The following PPP2R1B variants were observed in gnomAD, a reference collection of about 807,000 sequenced individuals.
PPP2R1B encodes protein phosphatase 2 scaffold subunit Abeta, also known as serine/threonine-protein phosphatase 2A 65 kDa regulatory subunit A beta isoform.
PPP2R1B carries 58 observed loss-of-function variants against 72.7 expected under a neutral mutation model. That is an observed-to-expected ratio of 0.80 (90% CI 0.65 to 0.99). The LOEUF (loss-of-function observed/expected upper bound fraction) is 0.99. Ranked by LOEUF, PPP2R1B falls within the 50% of genes least tolerant of loss-of-function variation. The pLI is 0.00. For synonymous variants in PPP2R1B, 256 were observed against 264.6 expected (o/e 0.97, Z 0.32); for missense variants, 695 against 733.6 (o/e 0.95, Z 0.61).
chr11:111,720,050 C>T, the PPP2R1B span: 2 of 1,560,100 alleles, frequency 1.3e-6, no homozygotes, highest in South Asian at 2.3e-5. Context: ...GGCATCATGT[C>T]ATACTCCAAT....
At chr11:111,694,167 A>G in the PPP2R1B span, among the ~76,000 whole-genome samples, 5 of 152,246 alleles carry the variant, frequency 3.3e-5, no homozygotes, top group Admixed American at 1.3e-4. Flanking sequence ...TATTCAATGT[A>G]TAATTGATTC....
chr11:111,740,477 T>A lies in PPP2R1B; in HGVS notation c.*1119A>T, dbSNP rs1944481864. 1.1e-5 allele frequency: 11 copies of A among 984,958 alleles called. No homozygotes were observed. Among genetic ancestry groups the A allele is most frequent in the Non-Finnish European group, 1.3e-5 (11 of 829,518 alleles). 61.0% of individuals were successfully genotyped at this position (984,958 alleles called of 1,614,324 possible). A position where few individuals can be genotyped will look rare whatever the true frequency, so the allele number is the denominator to read the frequency against. On this transcript the variant is annotated 3_prime_UTR_variant, in exon 15 of 15. Coordinates refer to ENST00000527614, the MANE Select transcript of PPP2R1B (RefSeq NM_002716.5). Reference sequence around the variant, plus strand: ...TCAAATGATCCCAAATAGGTGCTTTTTAAAAAGGGCTTTAATACTGTTTAA... The same window carrying A: ...TCAAATGATCCCAAATAGGTGCTTTATAAAAAGGGCTTTAATACTGTTTAA...
At chr11:111,759,676 C>T in intron 5 of PPP2R1B, 128 bp downstream of exon 5, 1 of 1,015,400 alleles carries the variant, frequency 9.8e-7, no homozygotes, top group Non-Finnish European at 1.4e-6. Context: ...ACACTTTAAC[C>T]AGGCCAGAAT....
intron 10 of PPP2R1B, among the ~76,000 whole-genome samples, chr11:111,751,051 C>T (rs1037320600): frequency 2.0e-5 from 3 of 152,132 alleles, no homozygotes; most frequent in African/African-American, 7.2e-5. Flanking sequence ...GTTGGCCAGG[C>T]TGGTCTGGAA....
the PPP2R1B span, chr11:111,719,695 A>G: frequency 7.2e-7 from 1 of 1,382,368 alleles, no homozygotes. Flanking sequence ...GTTCGCCACA[A>G]GTCTTGACAT....
chr11:111,754,572 A>C lies in PPP2R1B; in HGVS notation c.959-3T>G. The C allele has an allele frequency of 1.3e-6, 2 of 1,598,004 alleles. No individual in the cohort carries two copies. Among genetic ancestry groups the C allele is most frequent in the Non-Finnish European group, 1.7e-6 (2 of 1,176,448 alleles). On this transcript the variant is annotated splice_polypyrimidine_tract_variant and splice_region_variant and intron_variant, in intron 7 of 14. Transcript: ENST00000527614. ...AATGGGCAAGTTCTCACCAAGTTCT[A>C]AAAGATAAATAGAAAAAAAGAATGC...
chr11:111,703,117 C>A, the PPP2R1B span: 2 of 1,201,648 alleles, frequency 1.7e-6, no homozygotes, highest in South Asian at 1.3e-5. Flanking sequence ...AGATTAACAC[C>A]CTTGTACAAA....
At chr11:111,719,405 A>C in the PPP2R1B span, among the ~76,000 whole-genome samples, 16 of 149,826 alleles carry the variant, frequency 1.1e-4, no homozygotes, top group Admixed American at 3.3e-4. Flanking sequence ...AAAAAAAAAA[A>C]AACAACTCAT....
chr11:111,692,244 C>T, the PPP2R1B span, among the ~76,000 whole-genome samples: 13 of 149,604 alleles, frequency 8.7e-5, no homozygotes, highest in African/African-American at 2.5e-4. Context: ...CCAGCTACTC[C>T]GGAGGCTGAG....
the PPP2R1B span, among the ~76,000 whole-genome samples, chr11:111,695,536 TTTAAATC>T: frequency 6.6e-6 from 1 of 152,244 alleles, no homozygotes; most frequent in African/African-American, 2.4e-5. Flanking sequence ...TGACAAACTG[TTTAAATC>T]TTATGTATAT....
the PPP2R1B span, among the ~76,000 whole-genome samples, chr11:111,705,816 C>T: frequency 6.6e-6 from 1 of 152,086 alleles, no homozygotes; most frequent in Non-Finnish European, 1.5e-5. This position sits in a 1 kb window ranked among gnomAD's most constrained non-coding sequence, Gnocchi z 4.3. Flanking sequence ...AATCTGGTAG[C>T]ATTATGAAGG....
chr11:111,724,218 C>T (rs1425245161), downstream of PPP2R1B: 8 of 1,495,496 alleles, frequency 5.3e-6, no homozygotes, highest in African/African-American at 2.8e-5. Context: ...AGCTTATTTT[C>T]TTGCCCTCTC....
chr11:111,726,933 A>ATT (rs756605426), exon 16 of PPP2R1B: 5 of 1,605,732 alleles, frequency 3.1e-6, no homozygotes, highest in Non-Finnish European at 4.3e-6. Context: ...GTGGTACTTT[A>ATT]TTTTTTATGT....
At chr11:111,724,245 C>T (rs188877415), downstream of PPP2R1B, 9 of 1,389,258 alleles carry the variant, frequency 6.5e-6, no homozygotes, top group South Asian at 6.0e-5. Context: ...GGGGAGAAAT[C>T]GAGCCACCCA....
chr11:111,738,191 A>C lies in PPP2R1B; in HGVS notation c.*3405T>G. On this transcript the variant is annotated 3_prime_UTR_variant, in exon 15 of 15. Coordinates refer to ENST00000527614, the MANE Select transcript of PPP2R1B (RefSeq NM_002716.5). ...TCAGACTGCAGTCACCTCAGCTGCT[A>C]AACCAGGAGAACACTGGGCAACAGG... 1 of 985,810 alleles carries C rather than the reference A, an allele frequency of 1.0e-6. No individual in the cohort carries two copies. Among genetic ancestry groups the C allele is most frequent in the Non-Finnish European group, 1.2e-6 (1 of 830,216 alleles). 61.1% of individuals were successfully genotyped at this position (985,810 alleles called of 1,614,324 possible). A position where few individuals can be genotyped will look rare whatever the true frequency, so the allele number is the denominator to read the frequency against.
chr11:111,721,402 T>C, the PPP2R1B span, among the ~76,000 whole-genome samples: 1 of 152,172 alleles, frequency 6.6e-6, no homozygotes, highest in Admixed American at 6.5e-5. Flanking sequence ...ACAAATGAAC[T>C]ACACCCAAAT....
At chr11:111,763,755 C>T (rs1219658511) in intron 3 of PPP2R1B, among the ~76,000 whole-genome samples, 1 of 151,684 alleles carries the variant, frequency 6.6e-6, no homozygotes. Context: ...GGGGATAAAG[C>T]TAAGTTTTGT....
At chr11:111,730,186 T>G (rs1017407516) in intron 15 of PPP2R1B, 12 of 152,150 alleles carry the variant, frequency 7.9e-5, no homozygotes, top group African/African-American at 2.9e-4. Flanking sequence ...GAGGGGAGCT[T>G]TAAAAATAGA....
At chr11:111,736,794 A>G (rs1944353109), downstream of PPP2R1B, among the ~76,000 whole-genome samples, 1 of 152,196 alleles carries the variant, frequency 6.6e-6, no homozygotes, top group African/African-American at 2.4e-5. Flanking sequence ...TGGGTGTGAG[A>G]ATGTCAGATT....
Sources: allele counts gnomAD v4.1 joint callset (sites outside exome capture counted in the v4.1 genomes callset), GRCh38; gene constraint gnomAD v4.1.1; non-coding constraint Gnocchi (gnomAD v3.1); transcripts MANE v1.5; gene names NCBI Gene and HGNC (gene_info 2026-07-23, HGNC 2026-07-21).